Variants in ZIM2 observed in about 807,000 individuals in gnomAD.
ZIM2 encodes the protein zinc finger protein 656.
In ZIM2, 14 loss-of-function variants were observed where a neutral mutation model predicts 38.6. The ratio of observed to expected loss-of-function variants is 0.36; its 90% CI spans 0.24 to 0.57. The LOEUF is 0.57. Ranked by LOEUF, ZIM2 falls within the 20% of genes least tolerant of loss-of-function variation. ZIM2 has a pLI of 0.81. For missense variants in ZIM2, 680 were observed against 695.1 expected (o/e 0.98, Z 0.24); for synonymous variants, 247 against 245.8 (o/e 1.00, Z -0.04).
At position 56,814,472 on chromosome 19, in the gene ZIM2, G is replaced by C. The variant is rs766736793; in HGVS notation, c.490+3274C>G. 2.5e-6 allele frequency: 4 copies of C among 1,613,232 alleles called. No homozygotes were observed. In the Admixed American group the frequency reaches 6.7e-5, roughly 27 times the overall value. On this transcript the variant is annotated intron_variant, in intron 9 of 12. Transcript: ENST00000629319. This position sits in a 1 kb window ranked among gnomAD's most constrained non-coding sequence, Gnocchi z 5.8. ...TAGAATGGTATAGCTCCTTTGAGGG[G>C]CTCAGTAAGAAATGAGGTGTGAGTA...
chr19:56,824,350 G>T lies in ZIM2; in HGVS notation c.-73C>A, dbSNP rs185251512. 8.3e-5 allele frequency: 134 copies of T among 1,614,096 alleles called. No homozygotes were observed. In the East Asian group the frequency reaches 2.9e-3, roughly 35 times the overall value. ...GCTTTTTTGCTCGCACCCAAGGCTT[G>T]AGCTTTTCAGGGATGATGGTCAGGT... On this transcript the variant is annotated 5_prime_UTR_variant, in exon 4 of 13. Transcript: ENST00000629319.
In ZIM2 at chr19:56,814,469, G is replaced by A. The variant is rs374296912; in HGVS notation, c.490+3277C>T. 1 of 1,613,774 alleles carries A rather than the reference G, an allele frequency of 6.2e-7. No individual in the cohort carries two copies. ...TCATAGAATGGTATAGCTCCTTTGA[G>A]GGGCTCAGTAAGAAATGAGGTGTGA... On this transcript the variant is annotated intron_variant, in intron 9 of 12. Transcript: ENST00000629319. This position sits in a 1 kb window ranked among gnomAD's most constrained non-coding sequence, Gnocchi z 5.8.
intron 10 of ZIM2, among the ~76,000 whole-genome samples, chr19:56,785,191 A>G (rs2046532473): frequency 6.6e-6 from 1 of 152,128 alleles, no homozygotes. Context: ...AGCTGCCCCT[A>G]TATATGGGAC....
At chr19:56,837,854 C>A (rs1328882558) in intron 1 of ZIM2, among the ~76,000 whole-genome samples, 1 of 152,094 alleles carries the variant, frequency 6.6e-6, no homozygotes, top group Non-Finnish European at 1.5e-5. Context: ...ACACGTGGTA[C>A]TAGGATGGAC....
rs935486232 is a variant in ZIM2 at position 56,814,072 on chromosome 19, C to T, written c.490+3674G>A. On this transcript the variant is annotated intron_variant, in intron 9 of 12. Coordinates refer to ENST00000629319, the MANE Select transcript of ZIM2 (RefSeq NM_001387356.1). The surrounding 1 kb of genome is among the most constrained non-coding windows in gnomAD (Gnocchi z 5.8). Reference sequence around the variant, plus strand: ...AGCTCTTTCTTCTGGGTCTTCAATACCTGCACCATCTGGCTCATCAGCATC... The same window carrying T: ...AGCTCTTTCTTCTGGGTCTTCAATATCTGCACCATCTGGCTCATCAGCATC... The T allele has an allele frequency of 1.2e-6, 2 of 1,614,172 alleles. No homozygotes were observed.
intron 4 of ZIM2, 24 bp downstream of exon 4, chr19:56,824,238 C>T (rs2060798343): frequency 6.2e-7 from 1 of 1,608,218 alleles, no homozygotes; most frequent in East Asian, 2.2e-5. Context: ...GCACTGACCA[C>T]CAACACCCCG....
chr19:56,824,864 AC>A, intron 3 of ZIM2: 1 of 544,510 alleles, frequency 1.8e-6, no homozygotes, highest in Middle Eastern at 4.8e-4. Context: ...AAATAGGCAA[AC>A]AACCGCACAA....
chr19:56,807,392 G>C (rs1294445094), intron 9 of ZIM2, among the ~76,000 whole-genome samples: 1 of 152,164 alleles, frequency 6.6e-6, no homozygotes, highest in African/African-American at 2.4e-5. Context: ...TTTGTATCAT[G>C]TTATGATTAT....
rs765630906 is a variant in ZIM2, at chr19:56,816,203, C to T, written c.490+1543G>A. ...TTAGAGCTAATGGTGAACGCCTTTT[C>T]GTCCTCATCACTTTCAAGAGGTCTT... is the stretch of plus-strand genomic sequence containing the variant. On this transcript the variant is annotated intron_variant, in intron 9 of 12. Coordinates refer to ENST00000629319, the MANE Select transcript of ZIM2 (RefSeq NM_001387356.1). 81 of 1,614,036 alleles carry T rather than the reference C, an allele frequency of 5.0e-5. No homozygotes were observed. The highest frequency in any genetic ancestry group is 1.3e-4 in the African/African-American group (10 of 74,914).
chr19:56,797,337 C>T (rs1261291331), intron 9 of ZIM2, among the ~76,000 whole-genome samples: 1 of 151,838 alleles, frequency 6.6e-6, no homozygotes, highest in East Asian at 1.9e-4. Flanking sequence ...AATAAATAAG[C>T]TGTGACTATG....
intron 3 of ZIM2, among the ~76,000 whole-genome samples, chr19:56,826,168 CAG>C: frequency 1.3e-5 from 2 of 152,238 alleles, no homozygotes; most frequent in South Asian, 2.1e-4. Flanking sequence ...GGCAACAGAC[CAG>C]AGAGTCCAGG....
chr19:56,778,741 C>T (rs2046157972), intron 12 of ZIM2, among the ~76,000 whole-genome samples: 1 of 152,090 alleles, frequency 6.6e-6, no homozygotes, highest in Non-Finnish European at 1.5e-5. Flanking sequence ...TGTGGGTTTT[C>T]TGTTAACTAC....
At chr19:56,824,825 A>T in intron 3 of ZIM2, 2 of 628,340 alleles carry the variant, frequency 3.2e-6, no homozygotes, top group South Asian at 4.3e-5. Flanking sequence ...AGGCATCGAC[A>T]ATGCTTTTGG....
intron 9 of ZIM2, chr19:56,811,756 C>T (rs2059557504): frequency 2.0e-6 from 2 of 985,468 alleles, no homozygotes; most frequent in Non-Finnish European, 2.4e-6. Context: ...CCTATGCAGC[C>T]AGCCCTCACC....
chr19:56,824,300 G>A lies in ZIM2; in HGVS notation c.-23C>T. ...CATCTCCTTGTAATTCTCCAGCAGA[G>A]TGACGAGCTTCTCACAGTTCTCCGG... On this transcript the variant is annotated 5_prime_UTR_variant, in exon 4 of 13. Coordinates refer to ENST00000629319, the MANE Select transcript of ZIM2 (RefSeq NM_001387356.1). 6.2e-7 allele frequency: 1 copy of A among 1,614,068 alleles called. No homozygotes were observed. Among genetic ancestry groups the A allele is most frequent in the Non-Finnish European group, 8.5e-7 (1 of 1,180,022 alleles).
chr19:56,817,472 G>GT (rs1568646105), intron 9 of ZIM2: 1 of 1,613,514 alleles, frequency 6.2e-7, no homozygotes, highest in South Asian at 1.1e-5. Context: ...TTGGAACTGC[G>GT]TGACACATCC....
At chr19:56,823,509 G>C in intron 5 of ZIM2, 81 bp downstream of exon 5, 1 of 1,548,068 alleles carries the variant, frequency 6.5e-7, no homozygotes, top group Non-Finnish European at 8.9e-7. Context: ...CATCTTCATG[G>C]AGGCCCCAAC....
At chr19:56,815,203 C>CCA in intron 9 of ZIM2, 1 of 1,613,986 alleles carries the variant, frequency 6.2e-7, no homozygotes, top group Non-Finnish European at 8.5e-7. Flanking sequence ...TGTCTCCTGA[C>CCA]CATGGGTCTC....
At chr19:56,811,022 T>A (rs542201329) in intron 9 of ZIM2, 18 of 977,594 alleles carry the variant, frequency 1.8e-5, no homozygotes, top group Non-Finnish European at 2.2e-5. Flanking sequence ...GACACAGTTA[T>A]AATCATAAAC....
Sources: allele counts gnomAD v4.1 joint callset (sites outside exome capture counted in the v4.1 genomes callset), GRCh38; gene constraint gnomAD v4.1.1; non-coding constraint Gnocchi (gnomAD v3.1); transcripts MANE v1.5; gene names NCBI Gene and HGNC (gene_info 2026-07-23, HGNC 2026-07-21).